FAXDC2: variants seen among roughly 807,000 people sequenced by gnomAD.
FAXDC2 encodes the protein fatty acid hydroxylase domain containing 2.
In FAXDC2, 41 loss-of-function variants were observed where a neutral mutation model predicts 40.9. That is an observed-to-expected ratio of 1.00 (90% CI 0.78 to 1.30). FAXDC2 has a LOEUF of 1.30. Among genes scored for constraint, FAXDC2 ranks in the 50% most tolerant of loss-of-function variants. The probability of loss-of-function intolerance (pLI) is 0.00; values close to 1 mark genes in which losing one functional copy is unlikely to be tolerated. For synonymous variants in FAXDC2, 157 were observed against 149.3 expected, an observed-to-expected ratio of 1.05 and a Z score of -0.38; for missense variants, 390 against 408.8, an observed-to-expected ratio of 0.95 and a Z score of 0.40.
At chr5:154,820,600 T>C (rs1166421800) in intron 8 of FAXDC2, 128 bp from the exon 9 acceptor site, 4 of 697,310 alleles carry the variant, frequency 5.7e-6, no homozygotes, top group Non-Finnish European at 9.4e-6. Context: ...ATCCTGACCA[T>C]CTGCATCAGA....
chr5:154,821,819 C>T (rs147748564), intron 7 of FAXDC2: 5 of 179,880 alleles, frequency 2.8e-5, no homozygotes, highest in South Asian at 2.5e-4. Context: ...TGGCCAGGTG[C>T]GATGGCTCAC....
At chr5:154,824,472 C>G in intron 5 of FAXDC2, 1 of 702,528 alleles carries the variant, frequency 1.4e-6, no homozygotes, top group South Asian at 1.5e-5. Flanking sequence ...CTTCCTCCAG[C>G]CTTTCCAGGC....
chr5:154,839,668 G>T (rs1221575974), intron 1 of FAXDC2, among the ~76,000 whole-genome samples: 1 of 151,654 alleles, frequency 6.6e-6, no homozygotes, highest in African/African-American at 2.4e-5. Context: ...AAAAAAAAAA[G>T]AACAATAGAA....
At chr5:154,826,692 G>T (rs1039790858) in intron 5 of FAXDC2, among the ~76,000 whole-genome samples, 2 of 152,108 alleles carry the variant, frequency 1.3e-5, no homozygotes, top group Non-Finnish European at 2.9e-5. Context: ...CTTACCAAAA[G>T]AAATGTTGGT....
intron 8 of FAXDC2, 36 bp from the exon 9 acceptor site, chr5:154,820,508 TGGAGGCTTCC>T: frequency 6.4e-7 from 1 of 1,569,020 alleles, no homozygotes; most frequent in Non-Finnish European, 8.7e-7. Context: ...GTGCCCATGC[TGGAGGCTTCC>T]GTGCAGATCC....
intron 2 of FAXDC2, among the ~76,000 whole-genome samples, chr5:154,836,570 C>A (rs1760353998): frequency 6.6e-6 from 1 of 152,148 alleles, no homozygotes. Flanking sequence ...GTGCCTGGGG[C>A]TCATCTGCAA....
intron 4 of FAXDC2, among the ~76,000 whole-genome samples, chr5:154,831,462 T>TG (rs1037243858): frequency 6.6e-6 from 1 of 152,110 alleles, no homozygotes; most frequent in African/African-American, 2.4e-5. Flanking sequence ...TTTGTTTGTT[T>TG]TTTTGAGACA....
At position 154,831,066 on chromosome 5, in the gene FAXDC2, T is replaced by A. The variant is rs556484804; in HGVS notation, c.245-144A>T. ...GGTCTTAGGGCTTGGGACCAAGGGG[T>A]TACCTGTAGTCTTGGGTAGGAACTT... On this transcript the variant is annotated intron_variant, in intron 4 of 8. Coordinates refer to ENST00000326080, the MANE Select transcript of FAXDC2 (RefSeq NM_032385.5). 24 of 872,054 alleles carry A rather than the reference T, an allele frequency of 2.8e-5. No individual in the cohort carries two copies. The African/African-American group carries it at 3.5e-4, about 13-fold the overall frequency. 54.0% of individuals were successfully genotyped at this position (872,054 alleles called of 1,614,324 possible).
intron 5 of FAXDC2, chr5:154,824,227 C>T (rs946568947): frequency 3.9e-6 from 2 of 507,082 alleles, no homozygotes; most frequent in African/African-American, 3.8e-5. Flanking sequence ...GTCCAAAGTC[C>T]ATTTGGCCTC....
In FAXDC2 at chr5:154,819,880, G is replaced by A. The variant is rs1279866176; in HGVS notation, c.*436C>T. On this transcript the variant is annotated 3_prime_UTR_variant, in exon 9 of 9. Coordinates refer to ENST00000326080, the MANE Select transcript of FAXDC2 (RefSeq NM_032385.5). ...GCCTTTTGGGGCAGGAAGGGGCAAA[G>A]TGATACCTGGCCGTCCCACCCTCTG... 6.4e-6 allele frequency: 1 copy of A among 157,176 alleles called. No individual in the cohort carries two copies. The highest frequency in any genetic ancestry group is 1.4e-5 in the Non-Finnish European group (1 of 71,502). 9.7% of individuals were successfully genotyped at this position (157,176 alleles called of 1,614,324 possible).
In FAXDC2 at chr5:154,821,432, A is replaced by G. The variant is rs777810814; in HGVS notation, c.679-6T>C. On this transcript the variant is annotated splice_region_variant and splice_polypyrimidine_tract_variant and intron_variant, in intron 7 of 8. Transcript: ENST00000326080. The stretch of plus-strand genomic sequence containing the variant: ...ACCGGTAGCATGTTGGAGACCTGCA[A>G]GAGGAGGGATGATTGAAGGCAGGGT... The G allele has an allele frequency of 6.2e-7, 1 of 1,609,780 alleles. No individual in the cohort carries two copies. The highest frequency in any genetic ancestry group is 8.5e-7 in the Non-Finnish European group (1 of 1,178,188).
intron 1 of FAXDC2, among the ~76,000 whole-genome samples, chr5:154,848,494 C>T (rs1294244184): frequency 1.3e-5 from 2 of 152,210 alleles, no homozygotes; most frequent in Non-Finnish European, 2.9e-5. Flanking sequence ...CCTCTGCTCT[C>T]AGACTGTATG....
intron 1 of FAXDC2, among the ~76,000 whole-genome samples, chr5:154,839,114 T>A (rs1760421379): frequency 6.6e-6 from 1 of 151,676 alleles, no homozygotes; most frequent in Non-Finnish European, 1.5e-5. Flanking sequence ...TCACCTAAGG[T>A]CAGGAGTTCA....
At chr5:154,829,326 T>A (rs1760132274) in intron 5 of FAXDC2, 1 of 152,412 alleles carries the variant, frequency 6.6e-6, no homozygotes, top group Admixed American at 6.5e-5. Context: ...CCAGGTAGCA[T>A]TCAGCTCCCC....
chr5:154,822,619 TTCTC>T (rs1252566777), intron 6 of FAXDC2, 42 bp from the exon 7 acceptor site: 1 of 1,516,924 alleles, frequency 6.6e-7, no homozygotes, highest in Middle Eastern at 1.7e-4. Flanking sequence ...TGATTCCTCT[TTCTC>T]CCTCCCCGAC....
At chr5:154,834,970 G>T in intron 2 of FAXDC2, 36 bp from the exon 3 acceptor site, 1 of 1,363,116 alleles carries the variant, frequency 7.3e-7, no homozygotes, top group Non-Finnish European at 1.0e-6. Context: ...ACCCCAGCAA[G>T]CCTCCTGCCT....
intron 4 of FAXDC2, among the ~76,000 whole-genome samples, chr5:154,831,958 G>C (rs149111827): frequency 7.2e-4 from 109 of 152,146 alleles, no homozygotes; most frequent in Admixed American, 1.6e-3. Flanking sequence ...TAATGGAATA[G>C]AATGGGAAGC....
At chr5:154,821,680 T>C (rs1220628907) in intron 7 of FAXDC2, among the ~76,000 whole-genome samples, 5 of 152,094 alleles carry the variant, frequency 3.3e-5, no homozygotes, top group African/African-American at 1.2e-4. Flanking sequence ...GGTGTGGTGA[T>C]TCATGCCTGT....
chr5:154,837,575 T>C (rs542303072), intron 2 of FAXDC2, among the ~76,000 whole-genome samples: 4 of 152,142 alleles, frequency 2.6e-5, no homozygotes, highest in Non-Finnish European at 5.9e-5. Flanking sequence ...TTTAATCTTC[T>C]GAGTTTGATC....
Sources: gnomAD v4.1 joint callset for allele counts (sites outside exome capture counted in the v4.1 genomes callset) on GRCh38, gnomAD v4.1.1 for gene constraint, MANE v1.5 for transcripts, NCBI Gene and HGNC (gene_info 2026-07-23, HGNC 2026-07-21) for gene names.